Variants in TTC39C observed in about 807,000 individuals in gnomAD.
The protein encoded by TTC39C is tetratricopeptide repeat domain 39C.
In TTC39C, 33 loss-of-function variants were observed where a neutral mutation model predicts 76.3. That is an observed-to-expected ratio of 0.43 (90% CI 0.33 to 0.58). TTC39C has a LOEUF of 0.58. Ranked by LOEUF, TTC39C falls within the 20% of genes least tolerant of loss-of-function variation. The pLI, the probability that TTC39C is intolerant of heterozygous loss-of-function variation, is 0.04. For synonymous variants in TTC39C, 254 were observed against 260.6 expected (o/e 0.97, Z 0.24); for missense variants, 595 against 701.4 (o/e 0.85, Z 1.71).
intron 1 of TTC39C, among the ~76,000 whole-genome samples, chr18:24,047,247 C>T (rs1357253219): frequency 6.6e-6 from 1 of 151,642 alleles, no homozygotes; most frequent in African/African-American, 2.4e-5. Flanking sequence ...GTGCCTGCCA[C>T]CACATCTGGC....
intron 6 of TTC39C, among the ~76,000 whole-genome samples, chr18:24,109,872 G>C (rs1035981573): frequency 2.6e-5 from 4 of 152,058 alleles, no homozygotes; most frequent in African/African-American, 9.7e-5. Flanking sequence ...AGGGTCTGGT[G>C]GTGCACACCT....
intron 6 of TTC39C, chr18:24,113,437 C>T: frequency 1.6e-6 from 1 of 611,714 alleles, no homozygotes; most frequent in Non-Finnish European, 2.9e-6. Flanking sequence ...CCCTTCCAGC[C>T]CACCTGGCTG....
At chr18:24,044,937 A>G (rs542705973) in intron 1 of TTC39C, among the ~76,000 whole-genome samples, 1 of 152,154 alleles carries the variant, frequency 6.6e-6, no homozygotes, top group Admixed American at 6.5e-5. Flanking sequence ...TGCTTTGGAG[A>G]CCATTGGCAT....
chr18:24,123,984 G>A, intron 9 of TTC39C, 41 bp downstream of exon 9: 1 of 1,451,172 alleles, frequency 6.9e-7, no homozygotes, highest in Non-Finnish European at 9.4e-7. Context: ...ACTTATGATG[G>A]GCATTTGTAA....
At chr18:24,074,819 A>T (rs2084282861) in intron 4 of TTC39C, among the ~76,000 whole-genome samples, 1 of 152,226 alleles carries the variant, frequency 6.6e-6, no homozygotes, top group South Asian at 2.1e-4. Flanking sequence ...CCAGAGGATT[A>T]TAAATCATGC....
At position 24,089,759 on chromosome 18, in the gene TTC39C, A is replaced by G. The variant is rs1434225798; in HGVS notation, c.984+6678A>G. 2.6e-5 allele frequency among the ~76,000 whole-genome samples: 4 copies of G among 152,156 alleles called. No individual in the cohort carries two copies. In the East Asian group the frequency reaches 7.7e-4, roughly 29 times the overall value. On this transcript the variant is annotated intron_variant, in intron 6 of 13. Coordinates refer to ENST00000317571, the MANE Select transcript of TTC39C (RefSeq NM_001135993.2). ...AGGGTAGGGGGCAAAAGCATAATCTATTGCTAGGTGACCTTTCTAGCAATA... is the reference window on the plus strand; with the variant it reads ...AGGGTAGGGGGCAAAAGCATAATCTGTTGCTAGGTGACCTTTCTAGCAATA...
At chr18:24,099,618 T>G (rs1205854972) in intron 6 of TTC39C, among the ~76,000 whole-genome samples, 1 of 152,066 alleles carries the variant, frequency 6.6e-6, no homozygotes, top group Non-Finnish European at 1.5e-5. Context: ...GGAATAGACC[T>G]GATTTGTTTT....
At chr18:24,072,310 T>A (rs2084250515) in intron 4 of TTC39C, among the ~76,000 whole-genome samples, 1 of 151,236 alleles carries the variant, frequency 6.6e-6, no homozygotes, top group South Asian at 2.1e-4. Flanking sequence ...TTTTTTTTTT[T>A]AAAGACAGTT....
In TTC39C at chr18:24,080,782, A is replaced by G. The variant is rs2084366231; in HGVS notation, c.658A>G (p.Ser220Gly). 4 of 1,614,130 alleles carry G rather than the reference A, an allele frequency of 2.5e-6. No homozygotes were observed. The highest frequency in any genetic ancestry group is 3.4e-6 in the Non-Finnish European group (4 of 1,180,028). Reference protein sequence around the residue: ...ESLNRLKGAVSFGYGLFHLCI... With the variant: ...ESLNRLKGAVGFGYGLFHLCI... Reference sequence around the variant, plus strand: ...TCTGAACAGACTGAAAGGTGCTGTTAGCTTTGGATATGGCCTTTTTCACCT... The same window carrying G: ...TCTGAACAGACTGAAAGGTGCTGTTGGCTTTGGATATGGCCTTTTTCACCT... Residue 220 changes from serine to glycine, a missense_variant, in exon 5 of 14, where the codon AGC becomes GGC. Coordinates refer to ENST00000317571, the MANE Select transcript of TTC39C (RefSeq NM_001135993.2).
intron 6 of TTC39C, among the ~76,000 whole-genome samples, chr18:24,088,864 C>T (rs1476178741): frequency 6.6e-6 from 1 of 152,138 alleles, no homozygotes; most frequent in Non-Finnish European, 1.5e-5. Context: ...CTTTACACTT[C>T]TATCCCCGGC....
intron 6 of TTC39C, among the ~76,000 whole-genome samples, chr18:24,098,152 T>C (rs918068805): frequency 6.6e-6 from 1 of 152,170 alleles, no homozygotes; most frequent in African/African-American, 2.4e-5. Flanking sequence ...GAAATTTAAA[T>C]TGATACTATG....
At chr18:24,106,154 T>C (rs1056168524) in intron 6 of TTC39C, among the ~76,000 whole-genome samples, 2 of 152,192 alleles carry the variant, frequency 1.3e-5, no homozygotes, top group Non-Finnish European at 2.9e-5. Context: ...ATGTAGGGGT[T>C]AGGACTTTAA....
At chr18:24,122,500 C>CTAAA (rs2084980777) in intron 8 of TTC39C, among the ~76,000 whole-genome samples, 1 of 51,052 alleles carries the variant, frequency 2.0e-5, no homozygotes, top group Non-Finnish European at 3.1e-5. Context: ...GACTCCATCT[C>CTAAA]AAAAAAAAAA....
chr18:23,996,230 A>G (rs2083260055), intron 1 of TTC39C, among the ~76,000 whole-genome samples: 1 of 152,214 alleles, frequency 6.6e-6, no homozygotes, highest in Admixed American at 6.5e-5. Flanking sequence ...GTCTCTTTAT[A>G]TCTTTTGCCC....
chr18:24,040,817 G>A (rs1008988159), intron 1 of TTC39C, among the ~76,000 whole-genome samples: 54 of 152,280 alleles, frequency 3.5e-4, no homozygotes, highest in African/African-American at 1.3e-3. Flanking sequence ...TACTTTTTGT[G>A]TGCATGTGTG....
intron 1 of TTC39C, among the ~76,000 whole-genome samples, chr18:24,025,060 G>A (rs1411655032): frequency 6.6e-6 from 1 of 152,068 alleles, no homozygotes; most frequent in Non-Finnish European, 1.5e-5. Context: ...GTAGAGATGG[G>A]GTTCTGCCAT....
intron 6 of TTC39C, among the ~76,000 whole-genome samples, chr18:24,102,784 G>C (rs2084694817): frequency 6.6e-6 from 1 of 152,146 alleles, no homozygotes; most frequent in African/African-American, 2.4e-5. Context: ...ATGAGACCGG[G>C]ATAAGCTTAT....
intron 12 of TTC39C, 107 bp from the exon 13 acceptor site, chr18:24,131,775 C>A: frequency 2.3e-6 from 2 of 859,340 alleles, no homozygotes; most frequent in Non-Finnish European, 3.7e-6. Flanking sequence ...TGACTCATTG[C>A]TATGTCTACA....
rs114822378 is a variant in TTC39C at position 24,047,847 on chromosome 18, A to G, written c.168-16293A>G. ...AAGACAGTTCCGTAGAGGAGATAACAAAAATATATGAACCTGATGTGAGTA... is the reference window on the plus strand; with the variant it reads ...AAGACAGTTCCGTAGAGGAGATAACGAAAATATATGAACCTGATGTGAGTA... On this transcript the variant is annotated intron_variant, in intron 1 of 13. Coordinates refer to ENST00000317571, the MANE Select transcript of TTC39C (RefSeq NM_001135993.2). Among the ~76,000 whole-genome samples, 294 of 152,388 alleles carry G rather than the reference A, an allele frequency of 1.9e-3. 2 individuals are homozygous for G. The highest frequency in any genetic ancestry group is 6.7e-3 in the African/African-American group (278 of 41,600).
Sources: allele counts gnomAD v4.1 joint callset (sites outside exome capture counted in the v4.1 genomes callset), GRCh38; gene constraint gnomAD v4.1.1; transcripts MANE v1.5; gene names NCBI Gene and HGNC (gene_info 2026-07-23, HGNC 2026-07-21).